CNTN4: variants seen among roughly 807,000 people sequenced by gnomAD.
CNTN4 encodes contactin-4.
A neutral mutation model predicts 122.5 loss-of-function variants in CNTN4; 77 were observed. The ratio of observed to expected loss-of-function variants is 0.63; its 90% CI spans 0.52 to 0.76. CNTN4 has a LOEUF of 0.76. Ranked by LOEUF, CNTN4 falls within the 30% of genes least tolerant of loss-of-function variation. CNTN4 has a pLI of 0.00. For missense variants in CNTN4, 1,256 were observed against 1,259.1 expected, an observed-to-expected ratio of 1.00 and a Z score of 0.04; for synonymous variants, 512 against 447.0, an observed-to-expected ratio of 1.15 and a Z score of -1.83.
intron 4 of CNTN4, among the ~76,000 whole-genome samples, chr3:2,706,806 A>T (rs2086768414): frequency 6.6e-6 from 1 of 152,150 alleles, no homozygotes; most frequent in Admixed American, 6.5e-5. Flanking sequence ...AACCTACCAA[A>T]TTTAAATTTC....
chr3:2,575,809 C>CTTTTTTTTTTTTT (rs56303805), intron 4 of CNTN4, among the ~76,000 whole-genome samples: 2 of 101,248 alleles, frequency 2.0e-5, no homozygotes, highest in Admixed American at 1.2e-4. Flanking sequence ...TCTTCTTCTT[C>CTTTTTTTTTTTTT]TTTTTTTTTT....
intron 4 of CNTN4, among the ~76,000 whole-genome samples, chr3:2,575,809 C>CTTTTTTTTTTT (rs56303805): frequency 5.9e-5 from 6 of 101,250 alleles, no homozygotes; most frequent in African/African-American, 1.5e-4. Flanking sequence ...TCTTCTTCTT[C>CTTTTTTTTTTT]TTTTTTTTTT....
chr3:2,317,886 C>T (rs1314860546), intron 2 of CNTN4, among the ~76,000 whole-genome samples: 2 of 152,162 alleles, frequency 1.3e-5, no homozygotes, highest in Non-Finnish European at 2.9e-5. Context: ...AAAGTGTTAT[C>T]TTACTTTTGC....
rs180855437 is a variant in CNTN4, at chr3:2,124,666, T to A, written c.-145+24027T>A. On this transcript the variant is annotated intron_variant, in intron 2 of 24. Coordinates refer to ENST00000418658, the MANE Select transcript of CNTN4 (RefSeq NM_175607.3). ...GTGCATGACTGTGATCCCAGCTACA[T>A]GGGAGGCTGAGGCAGGAGGTTCCCT... Among the ~76,000 whole-genome samples, 625 of 152,036 alleles carry A rather than the reference T, an allele frequency of 4.1e-3. 2 individuals are homozygous for A. Among genetic ancestry groups the A allele is most frequent in the African/African-American group, 0.014 (596 of 41,482 alleles).
At chr3:2,924,867 A>C (rs899358145) in intron 12 of CNTN4, among the ~76,000 whole-genome samples, 6 of 152,196 alleles carry the variant, frequency 3.9e-5, no homozygotes, top group African/African-American at 1.4e-4. Context: ...TAATAGAGAT[A>C]TATATGAAGA....
At chr3:2,256,053 TAAA>T (rs1256768412) in intron 2 of CNTN4, among the ~76,000 whole-genome samples, 2 of 151,644 alleles carry the variant, frequency 1.3e-5, no homozygotes, top group African/African-American at 4.8e-5. Context: ...GCCAGACTAA[TAAA>T]GAAGAAAAGA....
chr3:2,872,370 A>G (rs2093796080), intron 8 of CNTN4, among the ~76,000 whole-genome samples: 1 of 152,224 alleles, frequency 6.6e-6, no homozygotes, highest in Non-Finnish European at 1.5e-5. Flanking sequence ...CACACAGGGA[A>G]ATCATTTAGC....
chr3:2,607,308 G>T (rs1395832828), intron 4 of CNTN4, among the ~76,000 whole-genome samples: 1 of 152,034 alleles, frequency 6.6e-6, no homozygotes, highest in East Asian at 1.9e-4. Flanking sequence ...TAGAAAAGCA[G>T]GTGCATATAC....
chr3:2,429,362 GCCT>G (rs1224004548), intron 3 of CNTN4, among the ~76,000 whole-genome samples: 3 of 152,186 alleles, frequency 2.0e-5, no homozygotes, highest in Admixed American at 1.3e-4. Context: ...GACCCTGTTT[GCCT>G]GAGTGTCAGC....
At chr3:2,981,434 A>C (rs1694004181) in intron 13 of CNTN4, among the ~76,000 whole-genome samples, 1 of 151,896 alleles carries the variant, frequency 6.6e-6, no homozygotes, top group Non-Finnish European at 1.5e-5. Flanking sequence ...ACAGAGCGAG[A>C]CTCCGTCTCA....
At chr3:2,155,834 T>C (rs1280679085) in intron 2 of CNTN4, among the ~76,000 whole-genome samples, 3 of 152,244 alleles carry the variant, frequency 2.0e-5, no homozygotes, top group Admixed American at 2.0e-4. Context: ...TGTTCATCCT[T>C]AAGATCTCAG....
intron 4 of CNTN4, among the ~76,000 whole-genome samples, chr3:2,611,325 G>C (rs62232686): frequency 0.29 from 32,240 of 113,028 alleles, 5,037 homozygotes; most frequent in Middle Eastern, 0.39. Context: ...AAGAAAGAAA[G>C]AAACAAAAAC....
intron 3 of CNTN4, among the ~76,000 whole-genome samples, chr3:2,539,565 C>T (rs181625393): frequency 6.6e-6 from 1 of 152,176 alleles, no homozygotes; most frequent in East Asian, 1.9e-4. Context: ...GTATAATAAG[C>T]CGTCCATGGT....
At chr3:2,416,776 C>T (rs2047430632) in intron 3 of CNTN4, among the ~76,000 whole-genome samples, 1 of 152,080 alleles carries the variant, frequency 6.6e-6, no homozygotes, top group Non-Finnish European at 1.5e-5. Flanking sequence ...GCCTCAGCCT[C>T]CCGAGTAGCT....
intron 3 of CNTN4, among the ~76,000 whole-genome samples, chr3:2,406,853 T>G (rs1448391932): frequency 6.7e-6 from 1 of 150,362 alleles, no homozygotes; most frequent in Non-Finnish European, 1.5e-5. Flanking sequence ...CTTACCTAAC[T>G]TTATTAAGCC....
chr3:2,787,018 G>A (rs2091855881), intron 6 of CNTN4, among the ~76,000 whole-genome samples: 1 of 152,146 alleles, frequency 6.6e-6, no homozygotes, highest in Admixed American at 6.5e-5. Flanking sequence ...GGTATAGTTG[G>A]TTCATGCTAT....
intron 3 of CNTN4, among the ~76,000 whole-genome samples, chr3:2,395,972 C>G (rs566384201): frequency 6.6e-6 from 1 of 151,924 alleles, no homozygotes; most frequent in Non-Finnish European, 1.5e-5. Context: ...TAGGAATGAG[C>G]GCAAACACAC....
At chr3:2,615,631 C>A (rs1365380945) in intron 4 of CNTN4, among the ~76,000 whole-genome samples, 1 of 152,096 alleles carries the variant, frequency 6.6e-6, no homozygotes, top group Non-Finnish European at 1.5e-5. Flanking sequence ...AATTTATATA[C>A]CCTAAAGTAT....
chr3:2,254,161 T>C (rs2040486914), intron 2 of CNTN4, among the ~76,000 whole-genome samples: 1 of 152,002 alleles, frequency 6.6e-6, no homozygotes, highest in South Asian at 2.1e-4. Flanking sequence ...GTTCCTGTTT[T>C]AGTTTGCTGA....
Sources: allele counts gnomAD v4.1 joint callset (sites outside exome capture counted in the v4.1 genomes callset), GRCh38; gene constraint gnomAD v4.1.1; transcripts MANE v1.5; gene names NCBI Gene and HGNC (gene_info 2026-07-23, HGNC 2026-07-21).